Variants in UBE2D2 observed in about 807,000 individuals in gnomAD.
UBE2D2 encodes the protein ubiquitin-conjugating enzyme E2 D2.
UBE2D2 carries 2 observed loss-of-function variants against 24.2 expected under a neutral mutation model. That is an observed-to-expected ratio of 0.08 (90% CI 0.03 to 0.26). UBE2D2 has a LOEUF of 0.26. Among genes scored for constraint, UBE2D2 ranks in the 10% least tolerant of loss-of-function variants. The pLI is 1.00. For missense variants in UBE2D2, 44 were observed against 177.6 expected, an observed-to-expected ratio of 0.25 and a Z score of 4.28; for synonymous variants, 58 against 56.5, an observed-to-expected ratio of 1.03 and a Z score of -0.12.
chr5:139,609,871 A>G (rs1754276453), intron 2 of UBE2D2, among the ~76,000 whole-genome samples: 1 of 150,488 alleles, frequency 6.6e-6, no homozygotes, highest in Admixed American at 6.6e-5. Context: ...TCCTGGGTTC[A>G]AGCGATTCTC....
chr5:139,585,301 C>T (rs1753706563), intron 1 of UBE2D2, among the ~76,000 whole-genome samples: 1 of 151,500 alleles, frequency 6.6e-6, no homozygotes, highest in Non-Finnish European at 1.5e-5. Context: ...CAGCCCCAAA[C>T]TTCTGGGCTC....
At chr5:139,547,375 C>T (rs1230329238) in intron 1 of UBE2D2, among the ~76,000 whole-genome samples, 1 of 152,102 alleles carries the variant, frequency 6.6e-6, no homozygotes, top group Non-Finnish European at 1.5e-5. Flanking sequence ...AAGACAAGAA[C>T]AGAAAATGCC....
Position 139,531,103 on chromosome 5 carries a change from C to T in UBE2D2, c.-64+4491C>T, listed in dbSNP as rs1448591659. 2.0e-5 allele frequency among the ~76,000 whole-genome samples: 3 copies of T among 152,210 alleles called. No homozygotes were observed. The East Asian group carries it at 5.8e-4, about 29-fold the overall frequency. ...GGGGGGAAATGAGGGAAGAGAGAGA[C>T]CCTCTCATATTGTTTTATATTATTT... On this transcript the variant is annotated intron_variant, in intron 1 of 6. Coordinates refer to the UBE2D2 transcript ENST00000511725.
intron 1 of UBE2D2, among the ~76,000 whole-genome samples, chr5:139,552,141 A>G (rs961821508): frequency 6.6e-6 from 1 of 152,086 alleles, no homozygotes; most frequent in African/African-American, 2.4e-5. Context: ...TTAGCCTCTA[A>G]TAGATAAGCT....
intron 1 of UBE2D2, among the ~76,000 whole-genome samples, chr5:139,541,753 T>A (rs907000934): frequency 6.0e-5 from 9 of 148,936 alleles, no homozygotes; most frequent in Non-Finnish European, 1.3e-4. Flanking sequence ...AAAAAAAAAA[T>A]AATAAAAATA....
At chr5:139,542,570 C>A (rs566047661) in intron 1 of UBE2D2, among the ~76,000 whole-genome samples, 1 of 152,246 alleles carries the variant, frequency 6.6e-6, no homozygotes, top group Admixed American at 6.6e-5. Context: ...ATCAGCCTGC[C>A]TCAGCCTCCC....
chr5:139,569,737 A>G (rs1023533937), intron 1 of UBE2D2, among the ~76,000 whole-genome samples: 3 of 152,186 alleles, frequency 2.0e-5, no homozygotes, highest in Non-Finnish European at 4.4e-5. Flanking sequence ...CGTGTGACCT[A>G]CCAGGTAAGA....
At chr5:139,618,476 T>A (rs1754459632) in intron 5 of UBE2D2, among the ~76,000 whole-genome samples, 1 of 152,186 alleles carries the variant, frequency 6.6e-6, no homozygotes, top group Non-Finnish European at 1.5e-5. Flanking sequence ...AGAAAGTGTT[T>A]GTGGACCTGT....
rs147407288 is a variant in UBE2D2 at position 139,564,195 on chromosome 5, C to T, written c.24+2380C>T. 3.2e-4 allele frequency among the ~76,000 whole-genome samples: 49 copies of T among 152,072 alleles called. No individual in the cohort carries two copies. In the East Asian group the frequency reaches 8.5e-3, roughly 26 times the overall value. On this transcript the variant is annotated intron_variant, in intron 1 of 6. Transcript: ENST00000398733. ...GGGGATAGAGTTTCAGTCTTGTCGCCCAGGCTGGAATGCAATGGCACGATC... is the reference window on the plus strand; with the variant it reads ...GGGGATAGAGTTTCAGTCTTGTCGCTCAGGCTGGAATGCAATGGCACGATC...
At chr5:139,568,798 C>T (rs1214110796) in intron 1 of UBE2D2, among the ~76,000 whole-genome samples, 1 of 152,096 alleles carries the variant, frequency 6.6e-6, no homozygotes, top group Non-Finnish European at 1.5e-5. Context: ...TGGTGAAACC[C>T]TGTCTCTACT....
intron 5 of UBE2D2, among the ~76,000 whole-genome samples, 200 bp from the exon 6 acceptor site, chr5:139,623,168 A>G (rs192516562): frequency 4.6e-5 from 7 of 151,804 alleles, no homozygotes; most frequent in Admixed American, 1.3e-4. Context: ...TGAAACCCCA[A>G]TTCTGCTAAA....
At chr5:139,529,461 GT>G (rs1752576775) in intron 1 of UBE2D2, among the ~76,000 whole-genome samples, 1 of 152,130 alleles carries the variant, frequency 6.6e-6, no homozygotes, top group Non-Finnish European at 1.5e-5. Context: ...AAGTACATCT[GT>G]CAAAAATCAT....
intron 1 of UBE2D2, among the ~76,000 whole-genome samples, chr5:139,547,598 C>T (rs1414285156): frequency 6.6e-6 from 1 of 152,016 alleles, no homozygotes; most frequent in Non-Finnish European, 1.5e-5. Flanking sequence ...CAACCACCAC[C>T]TCCTGGGTTC....
Position 139,552,288 on chromosome 5 carries a change from G to A in UBE2D2, c.-64+25676G>A, listed in dbSNP as rs199627794. ...AGCAATTGTCCTGCCTCAGTCTCCC[G>A]CGCAGCTGGGATTACAGGTGTGCAC... is the stretch of plus-strand genomic sequence containing the variant. On this transcript the variant is annotated intron_variant, in intron 1 of 6. Transcript: ENST00000511725. Among the ~76,000 whole-genome samples, 140 of 151,334 alleles carry A rather than the reference G, an allele frequency of 9.3e-4. 6 individuals are homozygous for A. The highest frequency in any genetic ancestry group is 7.3e-3 in the East Asian group (37 of 5,092).
At chr5:139,551,571 T>C (rs1434821001) in intron 1 of UBE2D2, among the ~76,000 whole-genome samples, 4 of 152,196 alleles carry the variant, frequency 2.6e-5, no homozygotes, top group Non-Finnish European at 5.9e-5. Context: ...TTTTCATGAA[T>C]TGCTCATTAT....
intron 1 of UBE2D2, among the ~76,000 whole-genome samples, chr5:139,579,701 G>A (rs973423767): frequency 6.6e-6 from 1 of 152,122 alleles, no homozygotes; most frequent in Non-Finnish European, 1.5e-5. Flanking sequence ...CAGGCACTGT[G>A]CAAAAAGCTG....
chr5:139,540,068 C>A (rs1275842769), intron 1 of UBE2D2, among the ~76,000 whole-genome samples: 1 of 151,912 alleles, frequency 6.6e-6, no homozygotes, highest in Non-Finnish European at 1.5e-5. Flanking sequence ...TACAGGCATG[C>A]ACCACTACGC....
intron 1 of UBE2D2, among the ~76,000 whole-genome samples, chr5:139,594,078 A>G (rs1315423798): frequency 2.0e-5 from 3 of 152,194 alleles, no homozygotes; most frequent in East Asian, 3.8e-4. Context: ...TCAGTTTCCC[A>G]TCTTGTTCCT....
intron 1 of UBE2D2, among the ~76,000 whole-genome samples, chr5:139,590,454 AAAAG>A (rs369251489): frequency 1.4e-3 from 207 of 151,918 alleles, no homozygotes; most frequent in East Asian, 2.9e-3. Flanking sequence ...AAAAAAAAAA[AAAAG>A]AAAGAAAAAG....
Sources: allele counts gnomAD v4.1 joint callset (sites outside exome capture counted in the v4.1 genomes callset), GRCh38; gene constraint gnomAD v4.1.1; transcripts MANE v1.5; gene names NCBI Gene and HGNC (gene_info 2026-07-23, HGNC 2026-07-21).